CFAP47: variants seen among roughly 807,000 people sequenced by gnomAD.
CFAP47 encodes the protein cilia- and flagella-associated protein 47.
A neutral mutation model predicts 148.1 loss-of-function variants in CFAP47; 29 were observed. That is an observed-to-expected ratio of 0.20 (90% confidence interval 0.15 to 0.27). The LOEUF is 0.27. Ranked by LOEUF, CFAP47 falls within the 10% of genes least tolerant of loss-of-function variation. CFAP47 has a pLI of 1.00. For missense variants in CFAP47, 1,872 were observed against 1,697.5 expected, an observed-to-expected ratio of 1.10 and a Z score of -1.81; for synonymous variants, 664 against 577.3, an observed-to-expected ratio of 1.15 and a Z score of -2.15.
At chrX:36,240,477 G>A (rs7879188) in intron 48 of CFAP47, among the ~76,000 whole-genome samples, 23,831 of 110,782 alleles carry the variant, frequency 0.22, 4,476 homozygotes, top group African/African-American at 0.62. Context: ...TGGTGTTGAC[G>A]AGTACAATGA....
chrX:36,352,143 T>C (rs1556017598), intron 59 of CFAP47, among the ~76,000 whole-genome samples: 1 of 111,080 alleles, frequency 9.0e-6, no homozygotes, highest in African/African-American at 3.3e-5. Context: ...TAATTCATTG[T>C]GATTGAGTGA....
chrX:36,130,647 C>T (rs923310382), intron 33 of CFAP47, among the ~76,000 whole-genome samples: 1 of 110,918 alleles, frequency 9.0e-6, no homozygotes, highest in Non-Finnish European at 1.9e-5. Flanking sequence ...CAGCACTGTT[C>T]ACCATAGCCA....
intron 45 of CFAP47, among the ~76,000 whole-genome samples, chrX:36,209,478 G>T (rs1940076833): frequency 1.8e-5 from 2 of 111,107 alleles, no homozygotes; most frequent in African/African-American, 6.5e-5. Context: ...AATCTTATAA[G>T]ATCAAAACAT....
intron 33 of CFAP47, among the ~76,000 whole-genome samples, chrX:36,128,308 C>T (rs5973580): frequency 0.11 from 11,702 of 110,776 alleles, 1,219 homozygotes; most frequent in African/African-American, 0.32. Context: ...ACAGTGCCCT[C>T]ACTATGTTAT....
chrX:36,113,678 A>G (rs1938589460), intron 33 of CFAP47, among the ~76,000 whole-genome samples: 1 of 111,578 alleles, frequency 9.0e-6, no homozygotes, highest in Admixed American at 9.5e-5. Context: ...ACCCTGAAAT[A>G]TGTTTTCCAA....
At chrX:36,372,311 A>AT (rs1441520165) in intron 62 of CFAP47, among the ~76,000 whole-genome samples, 2 of 111,482 alleles carry the variant, frequency 1.8e-5, no homozygotes, top group Non-Finnish European at 3.8e-5. Context: ...TTAGGGCAAC[A>AT]TTTTTTGATG....
chrX:36,307,151 A>G (rs1482482364), intron 55 of CFAP47, among the ~76,000 whole-genome samples: 1 of 111,426 alleles, frequency 9.0e-6, no homozygotes, highest in Non-Finnish European at 1.9e-5. Context: ...AATCACTGGC[A>G]TTTATGTTAA....
chrX:36,297,441 C>T (rs1941253659), intron 51 of CFAP47, among the ~76,000 whole-genome samples: 1 of 112,426 alleles, frequency 8.9e-6, no homozygotes, highest in Non-Finnish European at 1.9e-5. Flanking sequence ...TTGAAATGCT[C>T]AACCTTCTCC....
intron 1 of CFAP47, among the ~76,000 whole-genome samples, chrX:35,920,876 C>T (rs1336747171): frequency 9.0e-6 from 1 of 111,067 alleles, no homozygotes; most frequent in African/African-American, 3.3e-5. Context: ...AAAAGATGTC[C>T]GTAATTTTAG....
At chrX:36,192,276 G>A (rs782209567) in intron 42 of CFAP47, among the ~76,000 whole-genome samples, 1 of 111,248 alleles carries the variant, frequency 9.0e-6, no homozygotes, top group Non-Finnish European at 1.9e-5. Context: ...AAATGCTACA[G>A]AGCCAATAAT....
At chrX:36,010,841 T>G (rs1362432280) in intron 21 of CFAP47, among the ~76,000 whole-genome samples, 3 of 112,226 alleles carry the variant, frequency 2.7e-5, no homozygotes, top group Non-Finnish European at 5.6e-5. Context: ...CTTTTGTTCT[T>G]TTCTATGGTT....
intron 15 of CFAP47, among the ~76,000 whole-genome samples, chrX:35,976,688 C>A (rs1936575859): frequency 9.0e-6 from 1 of 111,088 alleles, no homozygotes; most frequent in Non-Finnish European, 1.9e-5. Flanking sequence ...TGATGATAAT[C>A]TGTGATTCAG....
intron 45 of CFAP47, among the ~76,000 whole-genome samples, chrX:36,224,242 G>T (rs1160329366): frequency 9.3e-6 from 1 of 107,622 alleles, no homozygotes; most frequent in Non-Finnish European, 1.9e-5. Flanking sequence ...ACTTGTGGTT[G>T]AAAAATGAAA....
At chrX:36,085,694 T>TTA (rs111293423) in intron 30 of CFAP47, among the ~76,000 whole-genome samples, 156 bp downstream of exon 30, 2,623 of 106,269 alleles carry the variant, frequency 0.025, 85 homozygotes, top group African/African-American at 0.085. Context: ...TATATATATA[T>TTA]TATATATATA....
intron 18 of CFAP47, among the ~76,000 whole-genome samples, chrX:35,996,264 A>T (rs1429000910): frequency 9.0e-6 from 1 of 111,604 alleles, no homozygotes; most frequent in Non-Finnish European, 1.9e-5. Flanking sequence ...TGAAGCATTA[A>T]GTTATGCTTC....
At chrX:36,338,359 C>T (rs782749599) in intron 57 of CFAP47, among the ~76,000 whole-genome samples, 1 of 111,050 alleles carries the variant, frequency 9.0e-6, no homozygotes, top group South Asian at 3.8e-4. Flanking sequence ...TTACTGCCCT[C>T]ACTTCTTATA....
chrX:36,193,087 G>A (rs1555986743), intron 42 of CFAP47, among the ~76,000 whole-genome samples: 1 of 111,925 alleles, frequency 8.9e-6, no homozygotes, highest in East Asian at 2.8e-4. Context: ...CCACTCCTCT[G>A]ATTCTTTCCA....
chrX:36,073,624 C>T (rs757475469), intron 29 of CFAP47, among the ~76,000 whole-genome samples: 1 of 110,747 alleles, frequency 9.0e-6, no homozygotes, highest in African/African-American at 3.3e-5. Context: ...CTCTGAACCT[C>T]ACCTTCCTCA....
At chrX:36,222,161 T>C (rs1339193576) in intron 45 of CFAP47, among the ~76,000 whole-genome samples, 2 of 112,010 alleles carry the variant, frequency 1.8e-5, no homozygotes, top group Non-Finnish European at 3.8e-5. Context: ...TGGCAGATAC[T>C]TACAAACTTC....
Sources: allele counts gnomAD v4.1 joint callset (sites outside exome capture counted in the v4.1 genomes callset), GRCh38; gene constraint gnomAD v4.1.1; transcripts MANE v1.5; gene names NCBI Gene and HGNC (gene_info 2026-07-23, HGNC 2026-07-21).